CACNA2D3: variants seen among roughly 807,000 people sequenced by gnomAD.
CACNA2D3 encodes voltage-dependent calcium channel subunit alpha-2/delta-3.
A neutral mutation model predicts 160.6 loss-of-function variants in CACNA2D3; 60 were observed. The observed-to-expected ratio is 0.37, with a 90% confidence interval of 0.30 to 0.46. CACNA2D3 has a LOEUF of 0.46. CACNA2D3 is among the 20% of genes least tolerant of loss of function. The pLI is 1.00. For missense variants in CACNA2D3, 1,205 were observed against 1,365.0 expected (o/e 0.88, Z 1.85); for synonymous variants, 558 against 492.9 (o/e 1.13, Z -1.75).
intron 26 of CACNA2D3, among the ~76,000 whole-genome samples, chr3:54,899,529 T>C (rs1018216818): frequency 6.6e-6 from 1 of 152,162 alleles, no homozygotes; most frequent in African/African-American, 2.4e-5. Flanking sequence ...ATGGTTTCGA[T>C]GTGAAGAGGC....
At chr3:54,559,349 G>A (rs961224316) in intron 5 of CACNA2D3, among the ~76,000 whole-genome samples, 3 of 152,066 alleles carry the variant, frequency 2.0e-5, no homozygotes, top group African/African-American at 7.2e-5. Context: ...CCAGGCTGGA[G>A]TGCAGTGGCG....
At chr3:55,009,803 C>T (rs1703171845) in intron 34 of CACNA2D3, among the ~76,000 whole-genome samples, 1 of 152,230 alleles carries the variant, frequency 6.6e-6, no homozygotes, top group South Asian at 2.1e-4. Context: ...ATTAGCCATT[C>T]TATTTCTGTT....
chr3:54,320,802 C>T (rs941784140), intron 3 of CACNA2D3, among the ~76,000 whole-genome samples: 1 of 152,190 alleles, frequency 6.6e-6, no homozygotes, highest in African/African-American at 2.4e-5. Flanking sequence ...AGAGCTGCCA[C>T]TAATTGTACA....
intron 13 of CACNA2D3, among the ~76,000 whole-genome samples, chr3:54,803,958 C>T (rs1703055228): frequency 6.6e-6 from 1 of 152,036 alleles, no homozygotes; most frequent in Admixed American, 6.6e-5. Context: ...TCAAACTAAG[C>T]TTCAGAAGTG....
At chr3:54,763,834 T>TGTATATATAC (rs1702156837) in intron 12 of CACNA2D3, among the ~76,000 whole-genome samples, 1 of 38,692 alleles carries the variant, frequency 2.6e-5, no homozygotes, top group African/African-American at 7.1e-5. Flanking sequence ...CGTATATATA[T>TGTATATATAC]GTATATATAT....
chr3:54,147,707 G>A (rs1700062033), intron 2 of CACNA2D3, among the ~76,000 whole-genome samples: 1 of 152,108 alleles, frequency 6.6e-6, no homozygotes, highest in African/African-American at 2.4e-5. Context: ...AACATGGTAA[G>A]CCCTGTATTA....
rs899323782 is a variant in CACNA2D3, at chr3:55,056,222, C to T, written c.2988-17223C>T. The stretch of plus-strand genomic sequence containing the variant: ...GAAAAACATGTTCAATATTAGTAAT[C>T]ATCAGGGTTATACAAATTAAAATGA... On this transcript the variant is annotated intron_variant, in intron 35 of 37. Transcript: ENST00000474759. Among the ~76,000 whole-genome samples the T allele has an allele frequency of 7.2e-5, 11 of 152,212 alleles. 1 individual carries two copies. Among genetic ancestry groups the T allele is most frequent in the Middle Eastern group, 3.4e-3 (1 of 294 alleles).
chr3:54,446,499 CTT>C (rs1255157639), intron 4 of CACNA2D3, among the ~76,000 whole-genome samples: 1 of 152,198 alleles, frequency 6.6e-6, no homozygotes, highest in Non-Finnish European at 1.5e-5. Context: ...TCTTTAAAAA[CTT>C]TCAGAAAAGA....
intron 11 of CACNA2D3, among the ~76,000 whole-genome samples, chr3:54,740,602 C>A (rs900214845): frequency 6.6e-6 from 1 of 152,188 alleles, no homozygotes; most frequent in African/African-American, 2.4e-5. Flanking sequence ...AGAGCTATGT[C>A]CCTACCTGTC....
chr3:54,976,981 TTTC>T (rs1280875804), intron 29 of CACNA2D3, among the ~76,000 whole-genome samples: 1 of 152,244 alleles, frequency 6.6e-6, no homozygotes, highest in Non-Finnish European at 1.5e-5. Flanking sequence ...TTTGAATATT[TTTC>T]TCTAAATAAA....
rs1247888009 is a variant in CACNA2D3, at chr3:54,682,848, T to G, written c.1167+40607T>G. 2.0e-5 allele frequency among the ~76,000 whole-genome samples: 3 copies of G among 152,144 alleles called. No homozygotes were observed. The South Asian group carries it at 6.2e-4, about 32-fold the overall frequency. On this transcript the variant is annotated intron_variant, in intron 11 of 37. Transcript: ENST00000474759. ...GGAGAGATCAAGTGGAGACTTGGTG[T>G]GTTCTTACCATCCCACCACCCACTG...
chr3:54,129,320 T>C (rs1356238516), intron 2 of CACNA2D3, among the ~76,000 whole-genome samples: 1 of 152,234 alleles, frequency 6.6e-6, no homozygotes, highest in Non-Finnish European at 1.5e-5. Flanking sequence ...TTTTTACAAA[T>C]ACATACTTGA....
At chr3:54,373,402 C>T (rs1433267272) in intron 3 of CACNA2D3, among the ~76,000 whole-genome samples, 2 of 152,102 alleles carry the variant, frequency 1.3e-5, no homozygotes, top group East Asian at 3.9e-4. Context: ...TTCAAGGCCC[C>T]TGGTATGTTA....
At chr3:54,163,275 C>A (rs1700383903) in intron 2 of CACNA2D3, among the ~76,000 whole-genome samples, 1 of 152,194 alleles carries the variant, frequency 6.6e-6, no homozygotes, top group Non-Finnish European at 1.5e-5. Flanking sequence ...GTGGTAAGTA[C>A]TGTGAAGGAA....
intron 2 of CACNA2D3, among the ~76,000 whole-genome samples, chr3:54,312,022 A>T (rs1431239113): frequency 6.6e-6 from 1 of 152,188 alleles, no homozygotes; most frequent in African/African-American, 2.4e-5. Flanking sequence ...AAACAAAGCA[A>T]CTTAAAGGCC....
intron 27 of CACNA2D3, among the ~76,000 whole-genome samples, chr3:54,947,328 CA>C (rs1180366906): frequency 1.2e-4 from 19 of 152,242 alleles, no homozygotes; most frequent in African/African-American, 4.3e-4. Context: ...ATCTTCCAAG[CA>C]GTGCTAATGC....
At chr3:54,128,328 G>A (rs1365131124) in intron 2 of CACNA2D3, among the ~76,000 whole-genome samples, 4 of 152,158 alleles carry the variant, frequency 2.6e-5, no homozygotes, top group South Asian at 2.1e-4. Context: ...AAAGAAATGC[G>A]AAACCATCAC....
intron 13 of CACNA2D3, among the ~76,000 whole-genome samples, chr3:54,766,607 A>G (rs1411752867): frequency 1.3e-5 from 2 of 152,208 alleles, no homozygotes; most frequent in Non-Finnish European, 2.9e-5. Context: ...AACCCTGAAG[A>G]TGGACCTTTA....
At chr3:54,503,179 G>T (rs1701320119) in intron 4 of CACNA2D3, among the ~76,000 whole-genome samples, 1 of 152,148 alleles carries the variant, frequency 6.6e-6, no homozygotes. Flanking sequence ...CATAAAGTCA[G>T]GGTCTCTCTT....
Sources: allele counts gnomAD v4.1 joint callset (sites outside exome capture counted in the v4.1 genomes callset), GRCh38; gene constraint gnomAD v4.1.1; transcripts MANE v1.5; gene names NCBI Gene and HGNC (gene_info 2026-07-23, HGNC 2026-07-21).